Variants in OPCML observed in about 807,000 individuals in gnomAD.
OPCML encodes the protein opioid binding protein/cell adhesion molecule like.
Under a neutral mutation model 37.8 loss-of-function variants are expected in OPCML, and 13 were observed. The observed-to-expected ratio is 0.34, with a 90% confidence interval of 0.22 to 0.55. The LOEUF is 0.55. Ranked by LOEUF, OPCML falls within the 20% of genes least tolerant of loss-of-function variation. The pLI, the probability that OPCML is intolerant of heterozygous loss-of-function variation, is 0.91. For synonymous variants in OPCML, 176 were observed against 168.8 expected (o/e 1.04, Z -0.33); for missense variants, 341 against 435.6 (o/e 0.78, Z 1.93).
intron 1 of OPCML, among the ~76,000 whole-genome samples, chr11:133,131,328 A>C (rs573684120): frequency 6.6e-6 from 1 of 152,300 alleles, no homozygotes; most frequent in East Asian, 1.9e-4. Flanking sequence ...CCCCAAAATT[A>C]AATCAAAATG....
intron 4 of OPCML, among the ~76,000 whole-genome samples, chr11:132,493,506 C>T (rs936277534): frequency 6.6e-6 from 1 of 152,214 alleles, no homozygotes; most frequent in Non-Finnish European, 1.5e-5. Flanking sequence ...AGGCTGCCTT[C>T]ACCTCCTGCG....
intron 1 of OPCML, among the ~76,000 whole-genome samples, chr11:133,309,895 T>C (rs564795802): frequency 6.6e-6 from 1 of 152,318 alleles, no homozygotes; most frequent in African/African-American, 2.4e-5. Flanking sequence ...AATGCAATGC[T>C]TGAAGGGCAA....
intron 2 of OPCML, among the ~76,000 whole-genome samples, chr11:132,917,280 C>T (rs1944639321): frequency 6.6e-6 from 1 of 152,172 alleles, no homozygotes; most frequent in Non-Finnish European, 1.5e-5. Context: ...AATTAGCATT[C>T]AATAGTAGCT....
At chr11:132,990,884 C>G (rs1481571786) in intron 1 of OPCML, among the ~76,000 whole-genome samples, 23 of 152,166 alleles carry the variant, frequency 1.5e-4, no homozygotes. Context: ...TATGTACTTA[C>G]TTTAAGAAAA....
intron 1 of OPCML, among the ~76,000 whole-genome samples, chr11:133,126,070 TACACACACAC>T (rs3049587): frequency 1.3e-5 from 2 of 148,350 alleles, no homozygotes; most frequent in African/African-American, 2.5e-5. Flanking sequence ...ATATGTACCA[TACACACACAC>T]ACACACACAC....
chr11:132,580,147 C>T (rs970818736), intron 3 of OPCML, among the ~76,000 whole-genome samples: 7 of 152,182 alleles, frequency 4.6e-5, no homozygotes, highest in Admixed American at 1.3e-4. Context: ...GTCTTTCTAA[C>T]GCTGTGTTTT....
At chr11:133,097,299 C>T (rs531568088) in intron 1 of OPCML, among the ~76,000 whole-genome samples, 14 of 152,136 alleles carry the variant, frequency 9.2e-5, no homozygotes, top group Admixed American at 7.9e-4. Context: ...TCTAAATGAC[C>T]CGTGGGTCAA....
intron 1 of OPCML, among the ~76,000 whole-genome samples, chr11:133,081,247 G>A (rs1948712262): frequency 6.6e-6 from 1 of 152,044 alleles, no homozygotes; most frequent in Non-Finnish European, 1.5e-5. Context: ...AGGGCTCTTT[G>A]AACAGTTAAT....
chr11:132,824,563 C>A (rs78543050), intron 2 of OPCML, among the ~76,000 whole-genome samples: 2,488 of 152,286 alleles, frequency 0.016, 27 homozygotes, highest in Middle Eastern at 0.034. Flanking sequence ...TACTTTCAAT[C>A]CATCTTCTCT....
intron 1 of OPCML, among the ~76,000 whole-genome samples, chr11:133,016,400 C>T (rs1947336837): frequency 6.6e-6 from 1 of 152,172 alleles, no homozygotes; most frequent in Non-Finnish European, 1.5e-5. Context: ...ATGGACATTC[C>T]TTGATATGGG....
intron 1 of OPCML, among the ~76,000 whole-genome samples, chr11:133,318,866 A>G (rs112835509): frequency 0.15 from 22,637 of 151,830 alleles, 2,513 homozygotes; most frequent in East Asian, 0.52. Context: ...GTGAAACCCC[A>G]TCTCTACTAA....
chr11:132,599,201 G>A (rs549957901), intron 3 of OPCML, among the ~76,000 whole-genome samples: 12 of 152,118 alleles, frequency 7.9e-5, no homozygotes, highest in Non-Finnish European at 1.5e-4. Flanking sequence ...GAGGAGAATC[G>A]CTTGAACCCG....
intron 3 of OPCML, among the ~76,000 whole-genome samples, chr11:132,594,593 A>C (rs180845316): frequency 3.3e-5 from 5 of 152,202 alleles, no homozygotes; most frequent in Non-Finnish European, 7.3e-5. Context: ...TATGAATACC[A>C]TATTCATTTC....
At chr11:132,670,944 C>T (rs749467397) in intron 2 of OPCML, among the ~76,000 whole-genome samples, 8 of 152,160 alleles carry the variant, frequency 5.3e-5, no homozygotes, top group Non-Finnish European at 1.2e-4. Context: ...CTCTTCCAAT[C>T]ACAACCCATA....
At chr11:133,096,947 T>C (rs2137063740) in intron 1 of OPCML, among the ~76,000 whole-genome samples, 1 of 152,230 alleles carries the variant, frequency 6.6e-6, no homozygotes, top group Non-Finnish European at 1.5e-5. Flanking sequence ...TGATTATAGT[T>C]GGGGATTTTA....
intron 2 of OPCML, among the ~76,000 whole-genome samples, chr11:132,802,188 C>T (rs1432531884): frequency 6.6e-6 from 1 of 152,188 alleles, no homozygotes; most frequent in African/African-American, 2.4e-5. Flanking sequence ...CAAACCGTCA[C>T]CATCTCTACC....
intron 1 of OPCML, among the ~76,000 whole-genome samples, chr11:133,451,545 A>G (rs1946579810): frequency 6.6e-6 from 1 of 151,710 alleles, no homozygotes. Flanking sequence ...TAAATTCTGT[A>G]TTTAAAGATT....
At chr11:132,714,017 A>G (rs1360856239) in intron 2 of OPCML, among the ~76,000 whole-genome samples, 1 of 150,660 alleles carries the variant, frequency 6.6e-6, no homozygotes. Flanking sequence ...TTCCCAGGAC[A>G]GGATATTATT....
intron 3 of OPCML, among the ~76,000 whole-genome samples, chr11:132,591,812 C>T (rs889539515): frequency 6.6e-6 from 1 of 152,224 alleles, no homozygotes; most frequent in East Asian, 1.9e-4. Flanking sequence ...AATATTAGCA[C>T]ATACACATTT....
Sources: allele counts gnomAD v4.1 joint callset (sites outside exome capture counted in the v4.1 genomes callset), GRCh38; gene constraint gnomAD v4.1.1; transcripts MANE v1.5; gene names NCBI Gene and HGNC (gene_info 2026-07-23, HGNC 2026-07-21).